The following KIF13B variants were observed in gnomAD, a reference collection of about 807,000 sequenced individuals.
KIF13B encodes the protein kinesin family member 13B, also known as kinesin-like protein KIF13B.
In KIF13B, 127 loss-of-function variants were observed where a neutral mutation model predicts 222.0. The ratio of observed to expected loss-of-function variants is 0.57; its 90% CI spans 0.50 to 0.66. The LOEUF (loss-of-function observed/expected upper bound fraction) is 0.66. Among genes scored for constraint, KIF13B ranks in the 30% least tolerant of loss-of-function variants. KIF13B has a pLI of 0.00. For missense variants in KIF13B, 2,173 were observed against 2,379.0 expected, an observed-to-expected ratio of 0.91 and a Z score of 1.80; for synonymous variants, 976 against 919.0, an observed-to-expected ratio of 1.06 and a Z score of -1.12.
chr8:29,146,223 G>GA (rs1309078509), intron 18 of KIF13B, 155 bp downstream of exon 18: 1 of 728,002 alleles, frequency 1.4e-6, no homozygotes, highest in Non-Finnish European at 2.4e-6. Context: ...GTAGAGAATG[G>GA]AAAAGGAAGT....
chr8:29,136,353 C>T (rs7012189), intron 21 of KIF13B, among the ~76,000 whole-genome samples: 4,714 of 152,074 alleles, frequency 0.031, 240 homozygotes, highest in African/African-American at 0.11. Flanking sequence ...CCAAGGTGGG[C>T]GGATCACCTG....
intron 2 of KIF13B, among the ~76,000 whole-genome samples, chr8:29,221,795 T>C (rs1814763853): frequency 6.6e-6 from 1 of 152,232 alleles, no homozygotes; most frequent in Admixed American, 6.5e-5. Flanking sequence ...AAATATTGTT[T>C]TTTAAACAAA....
chr8:29,228,472 A>AAAAAAAAAAAAAT, intron 2 of KIF13B, among the ~76,000 whole-genome samples: 3 of 117,084 alleles, frequency 2.6e-5, no homozygotes, highest in African/African-American at 6.5e-5. Flanking sequence ...ATCTTAAAAA[A>AAAAAAAAAAAAAT]ATATATATAT....
intron 14 of KIF13B, 119 bp from the exon 15 acceptor site, chr8:29,150,502 C>T: frequency 1.7e-6 from 1 of 583,096 alleles, no homozygotes; most frequent in Non-Finnish European, 3.0e-6. Flanking sequence ...CAAACACAAC[C>T]TGTTCTTGGT....
chr8:29,185,066 A>T (rs966733710), intron 6 of KIF13B, among the ~76,000 whole-genome samples: 5 of 152,058 alleles, frequency 3.3e-5, no homozygotes, highest in Non-Finnish European at 7.4e-5. Flanking sequence ...CCTGGGCTCA[A>T]GCGATCCTCC....
At chr8:29,085,433 C>T (rs1027448183) in intron 37 of KIF13B, among the ~76,000 whole-genome samples, 1 of 152,136 alleles carries the variant, frequency 6.6e-6, no homozygotes, top group East Asian at 1.9e-4. Context: ...AAACAGGACC[C>T]ATTCTATTCC....
chr8:29,228,281 C>A (rs56187020), intron 2 of KIF13B, among the ~76,000 whole-genome samples: 1 of 150,418 alleles, frequency 6.6e-6, no homozygotes, highest in East Asian at 1.9e-4. Context: ...CTGGCTAACA[C>A]GGTGAAACCC....
intron 8 of KIF13B, among the ~76,000 whole-genome samples, chr8:29,178,630 CCAAAT>C (rs1184069829): frequency 6.9e-6 from 1 of 144,396 alleles, no homozygotes; most frequent in Admixed American, 7.1e-5. Flanking sequence ...ATTCAGTGTC[CCAAAT>C]CAAAAGTACT....
chr8:29,080,133 G>T (rs1443386682), intron 37 of KIF13B, among the ~76,000 whole-genome samples: 3 of 152,022 alleles, frequency 2.0e-5, no homozygotes, highest in Non-Finnish European at 4.4e-5. Flanking sequence ...CTTGAGCCTA[G>T]GAGTTCGAGA....
chr8:29,247,220 TA>T (rs1211006216), intron 1 of KIF13B, among the ~76,000 whole-genome samples: 1 of 151,322 alleles, frequency 6.6e-6, no homozygotes, highest in Non-Finnish European at 1.5e-5. Context: ...CCCCCACGTC[TA>T]AAAAAAACAA....
intron 2 of KIF13B, among the ~76,000 whole-genome samples, chr8:29,207,977 C>T (rs1207452439): frequency 1.3e-5 from 2 of 152,178 alleles, no homozygotes; most frequent in Non-Finnish European, 2.9e-5. Context: ...TCGATATTTC[C>T]TGAGAGGCTG....
intron 35 of KIF13B, among the ~76,000 whole-genome samples, chr8:29,102,778 T>C (rs1330746947): frequency 6.6e-6 from 1 of 152,210 alleles, no homozygotes; most frequent in Non-Finnish European, 1.5e-5. Context: ...CCATCACGGC[T>C]TTCAGGAAGG....
chr8:29,251,049 G>A (rs925190268), intron 1 of KIF13B, among the ~76,000 whole-genome samples: 1 of 152,046 alleles, frequency 6.6e-6, no homozygotes, highest in African/African-American at 2.4e-5. Flanking sequence ...TACTCGGGAG[G>A]CCAAGGCGGA....
chr8:29,146,661 G>T, intron 17 of KIF13B, 121 bp from the exon 18 acceptor site: 1 of 854,098 alleles, frequency 1.2e-6, no homozygotes, highest in Non-Finnish European at 1.8e-6. Context: ...TTCCGTGGTC[G>T]TCTGCACGCA....
At chr8:29,140,813 T>G in intron 19 of KIF13B, 196 bp from the exon 20 acceptor site, 1 of 487,742 alleles carries the variant, frequency 2.1e-6, no homozygotes, top group Non-Finnish European at 3.6e-6. Flanking sequence ...CTCTTCCTCA[T>G]TCCCATTCAC....
chr8:29,132,860 T>G (rs956753166), intron 22 of KIF13B, among the ~76,000 whole-genome samples: 1 of 152,164 alleles, frequency 6.6e-6, no homozygotes, highest in Non-Finnish European at 1.5e-5. Context: ...TTTTTCCCAC[T>G]TTTTAGAAAG....
At position 29,127,458 on chromosome 8, in the gene KIF13B, T is replaced by TA. The variant is rs1810164121; in HGVS notation, c.3076-191dup. 1.3e-5 allele frequency among the ~76,000 whole-genome samples: 2 copies of TA among 152,274 alleles called. 1 individual carries two copies. Among genetic ancestry groups the TA allele is most frequent in the South Asian group, 4.1e-4 (2 of 4,828 alleles). ...AAAATCATTTCCCTTTTAAGTGAGCTAAAAAACAGAATAAATATATGTTTA... is the reference window on the plus strand; with the variant it reads ...AAAATCATTTCCCTTTTAAGTGAGCTAAAAAAACAGAATAAATATATGTTTA... On this transcript the variant is annotated intron_variant, in intron 24 of 39. Transcript: ENST00000524189.
intron 35 of KIF13B, among the ~76,000 whole-genome samples, chr8:29,107,782 G>A (rs544993456): frequency 1.0e-3 from 153 of 152,036 alleles, no homozygotes; most frequent in African/African-American, 1.5e-3. Flanking sequence ...GGATGGTCTC[G>A]ATCTCCTGAC....
At chr8:29,081,770 G>A (rs1807825798) in intron 37 of KIF13B, among the ~76,000 whole-genome samples, 1 of 152,292 alleles carries the variant, frequency 6.6e-6, no homozygotes, top group South Asian at 2.1e-4. Context: ...CTATTGCATG[G>A]TGCTTGTCTA....
Sources: gnomAD v4.1 joint callset for allele counts (sites outside exome capture counted in the v4.1 genomes callset) on GRCh38, gnomAD v4.1.1 for gene constraint, MANE v1.5 for transcripts, NCBI Gene and HGNC (gene_info 2026-07-23, HGNC 2026-07-21) for gene names.